TLE2: variants seen among roughly 807,000 people sequenced by gnomAD.
The protein encoded by TLE2 is transducin-like enhancer protein 2.
TLE2 carries 74 observed loss-of-function variants against 97.2 expected under a neutral mutation model. The observed-to-expected ratio is 0.76, with a 90% confidence interval of 0.63 to 0.92. The LOEUF (loss-of-function observed/expected upper bound fraction) is 0.92. Among genes scored for constraint, TLE2 ranks in the 40% least tolerant of loss-of-function variants. TLE2 has a pLI of 0.00. For missense variants in TLE2, 1,038 were observed against 1,008.7 expected (o/e 1.03, Z -0.39); for synonymous variants, 499 against 432.1 (o/e 1.15, Z -1.92).
At chr19:3,017,986 C>G in intron 7 of TLE2, 127 bp from the exon 8 acceptor site, 1 of 762,064 alleles carries the variant, frequency 1.3e-6, no homozygotes, top group South Asian at 1.9e-5. Flanking sequence ...CTCAGAGTCT[C>G]TCTACCCTTC....
rs2089790970 is a variant in TLE2, at chr19:3,019,421, G to A, written c.412C>T (p.Leu138Phe). The A allele has an allele frequency of 1.2e-5, 18 of 1,535,978 alleles. No homozygotes were observed. Among genetic ancestry groups the A allele is most frequent in the Non-Finnish European group, 1.4e-5 (16 of 1,146,502 alleles). ...PLSHHAPPVP[L>F]TPRPAGLVGG... ...ACCAGCCCGGCTGGGCGGGGGGTGA[G>A]GGGCACAGGGGGTGCGTGGTGGGAC... is the stretch of plus-strand genomic sequence containing the variant. The change falls in exon 7 of 20, where the codon CTC (leucine) becomes TTC (phenylalanine). Residue 138 changes from leucine (L) to phenylalanine (F), a missense_variant. Leu to Phe is a conservative substitution (Grantham distance 22). Coordinates refer to ENST00000262953, the MANE Select transcript of TLE2 (RefSeq NM_003260.5). This position sits in a 1 kb window ranked among gnomAD's most constrained non-coding sequence, Gnocchi z 5.1.
chr19:3,032,012 C>T (rs1173850822), upstream of TLE2, among the ~76,000 whole-genome samples: 3 of 152,026 alleles, frequency 2.0e-5, no homozygotes, highest in Non-Finnish European at 4.4e-5. The surrounding 1 kb of genome is among the most constrained non-coding windows in gnomAD (Gnocchi z 4.1). Flanking sequence ...ACTGCTGCAA[C>T]CTATGCCTCC....
chr19:3,019,946 T>C lies in TLE2; in HGVS notation c.295-173A>G. 1 of 889,118 alleles carries C rather than the reference T, an allele frequency of 1.1e-6. No homozygotes were observed. The highest frequency in any genetic ancestry group is 1.7e-6 in the Non-Finnish European group (1 of 596,718). 55.1% of individuals were successfully genotyped at this position (889,118 alleles called of 1,614,324 possible). A position where few individuals can be genotyped will look rare whatever the true frequency, so the allele number is the denominator to read the frequency against. On this transcript the variant is annotated intron_variant, in intron 5 of 19. Coordinates refer to ENST00000262953, the MANE Select transcript of TLE2 (RefSeq NM_003260.5). This position sits in a 1 kb window ranked among gnomAD's most constrained non-coding sequence, Gnocchi z 5.1. ...TCCCTTTCCTTTTGGAATTTTGAAA[T>C]AAGCACACGGAGAAAGAAACCAAAC...
chr19:3,027,245 A>T (rs541823583), intron 4 of TLE2, among the ~76,000 whole-genome samples: 2 of 152,242 alleles, frequency 1.3e-5, no homozygotes, highest in East Asian at 3.8e-4. Flanking sequence ...CACTGGAGTC[A>T]ATCTCAAAGC....
rs979044428 is a variant in TLE2 at position 3,040,911 on chromosome 19, C to G, written c.63+4815G>C. ...GTGAGACCTTTTAACCCCTGTGGAC[C>G]TCCGTTTGCTCATCTGGAAAAGGGG... On this transcript the variant is annotated intron_variant, in intron 1 of 18. Coordinates refer to the TLE2 transcript ENST00000426948. Among the ~76,000 whole-genome samples the G allele has an allele frequency of 8.8e-5, 13 of 147,768 alleles. 1 individual carries two copies. The highest frequency in any genetic ancestry group is 3.4e-4 in the Admixed American group (5 of 14,628).
At chr19:3,000,775 C>G in intron 18 of TLE2, 52 bp from the exon 19 acceptor site, 1 of 1,443,818 alleles carries the variant, frequency 6.9e-7, no homozygotes, top group East Asian at 2.5e-5. Context: ...ACGAGAGACC[C>G]GGGCTGCAGG....
At chr19:2,998,236 AATGTGT>A (rs1463246673) in intron 19 of TLE2, among the ~76,000 whole-genome samples, 2 of 85,136 alleles carry the variant, frequency 2.3e-5, no homozygotes, top group Non-Finnish European at 4.4e-5. Context: ...ACGCCCGGCC[AATGTGT>A]GTGTGTGTGT....
upstream of TLE2, among the ~76,000 whole-genome samples, chr19:3,029,359 C>A (rs1599248376): frequency 7.0e-6 from 1 of 143,872 alleles, no homozygotes; most frequent in Non-Finnish European, 1.5e-5. Flanking sequence ...CCCACCCCCG[C>A]GCACCGCCCC....
chr19:3,031,288 T>C (rs66751326), upstream of TLE2, among the ~76,000 whole-genome samples: 38,564 of 150,024 alleles, frequency 0.26, 5,152 homozygotes, highest in East Asian at 0.31. Context: ...AACGATGAGG[T>C]TGGGCAGCTC....
intron 4 of TLE2, chr19:3,025,437 C>A (rs2089926159): frequency 9.3e-7 from 1 of 1,073,912 alleles, no homozygotes; most frequent in East Asian, 6.7e-5. Context: ...CTGGGCTCAG[C>A]TGAAACAAAG....
At chr19:3,023,753 G>T (rs1975186) in intron 5 of TLE2, among the ~76,000 whole-genome samples, 1 of 151,010 alleles carries the variant, frequency 6.6e-6, no homozygotes, top group Non-Finnish European at 1.5e-5. Flanking sequence ...TTAGCCGGGC[G>T]TGGTGGTGCA....
At chr19:3,023,841 A>C (rs2089892663) in intron 5 of TLE2, among the ~76,000 whole-genome samples, 1 of 151,450 alleles carries the variant, frequency 6.6e-6, no homozygotes, top group African/African-American at 2.4e-5. Flanking sequence ...GCAGTCAGCC[A>C]AGATCATGCC....
chr19:3,012,820 G>A (rs963362710), intron 11 of TLE2, among the ~76,000 whole-genome samples: 4 of 152,058 alleles, frequency 2.6e-5, no homozygotes, highest in South Asian at 2.1e-4. Context: ...CGTCTGTCTC[G>A]GCTTCCCATG....
At chr19:3,041,004 TATATATATA>T (rs1221961912) in intron 1 of TLE2, among the ~76,000 whole-genome samples, 1 of 36,160 alleles carries the variant, frequency 2.8e-5, no homozygotes, top group African/African-American at 1.7e-4. Flanking sequence ...TATATATATA[TATATATATA>T]TTTTTTTTTT....
chr19:3,025,393 A>C (rs1354500420), intron 4 of TLE2: 2 of 1,174,878 alleles, frequency 1.7e-6, no homozygotes, highest in African/African-American at 3.2e-5. Flanking sequence ...GCAGACGCTC[A>C]GACACCCAAC....
chr19:3,003,215 C>T (rs1362632151), intron 17 of TLE2, among the ~76,000 whole-genome samples: 6 of 152,148 alleles, frequency 3.9e-5, no homozygotes, highest in Admixed American at 3.9e-4. Context: ...CACAACAGCA[C>T]AGGGAGGAGG....
At chr19:2,999,045 G>T (rs1334833691) in intron 19 of TLE2, among the ~76,000 whole-genome samples, 1 of 152,092 alleles carries the variant, frequency 6.6e-6, no homozygotes, top group Non-Finnish European at 1.5e-5. Flanking sequence ...GCTTCCGGAG[G>T]CCGAGGCAGG....
intron 19 of TLE2, among the ~76,000 whole-genome samples, chr19:2,999,331 C>G (rs116854318): frequency 1.5e-3 from 223 of 152,148 alleles, no homozygotes; most frequent in Non-Finnish European, 2.7e-3. Context: ...ATTAAAAACA[C>G]TGTACCAACC....
intron 7 of TLE2, among the ~76,000 whole-genome samples, chr19:3,018,895 G>A (rs1193382479): frequency 1.3e-5 from 2 of 152,136 alleles, no homozygotes; most frequent in African/African-American, 2.4e-5. Flanking sequence ...TGGGATTACA[G>A]GCATAAGCCA....
Sources: gnomAD v4.1 joint callset for allele counts (sites outside exome capture counted in the v4.1 genomes callset) on GRCh38, gnomAD v4.1.1 for gene constraint, Gnocchi (gnomAD v3.1) non-coding constraint, MANE v1.5 for transcripts, NCBI Gene and HGNC (gene_info 2026-07-23, HGNC 2026-07-21) for gene names.